RORA: variants seen among roughly 807,000 people sequenced by gnomAD.
RORA encodes the protein nuclear receptor ROR-alpha.
In RORA, 7 loss-of-function variants were observed where a neutral mutation model predicts 69.5. That is an observed-to-expected ratio of 0.10 (90% CI 0.06 to 0.19). The LOEUF (loss-of-function observed/expected upper bound fraction) is 0.19, where lower values mean the gene tolerates loss of function less well. Among genes scored for constraint, RORA ranks in the 10% least tolerant of loss-of-function variants. RORA has a pLI of 1.00. For synonymous variants in RORA, 261 were observed against 240.8 expected, an observed-to-expected ratio of 1.08 and a Z score of -0.78; for missense variants, 457 against 663.0, an observed-to-expected ratio of 0.69 and a Z score of 3.41.
rs144499503 is a variant in RORA at position 60,939,865 on chromosome 15, G to A, written c.167-261179C>T. On this transcript the variant is annotated intron_variant, in intron 1 of 10. Transcript: ENST00000335670. ...AGAATGGCTGAAAAGCAGTGTGTGT[G>A]CACATTTCTACAAGGCAAGATAAAA... Among the ~76,000 whole-genome samples the A allele has an allele frequency of 3.5e-3, 532 of 152,272 alleles. 1 individual carries two copies. The highest frequency in any genetic ancestry group is 6.9e-3 in the Admixed American group (106 of 15,292).
At chr15:60,788,820 C>G (rs1013752638) in intron 1 of RORA, among the ~76,000 whole-genome samples, 2 of 152,194 alleles carry the variant, frequency 1.3e-5, no homozygotes, top group African/African-American at 2.4e-5. Flanking sequence ...GCCCCTGTCC[C>G]GCTTAATAAC....
chr15:60,772,748 C>T (rs1595703297), intron 1 of RORA, among the ~76,000 whole-genome samples: 1 of 152,276 alleles, frequency 6.6e-6, no homozygotes, highest in Non-Finnish European at 1.5e-5. Context: ...CCCAGACTGC[C>T]CAACACTCCT....
intron 2 of RORA, among the ~76,000 whole-genome samples, chr15:60,532,459 C>T (rs2066554302): frequency 6.6e-6 from 1 of 152,062 alleles, no homozygotes; most frequent in Non-Finnish European, 1.5e-5. Context: ...ATGATGAATC[C>T]TGACAAATAG....
At chr15:61,085,426 T>C (rs1345219955) in intron 1 of RORA, among the ~76,000 whole-genome samples, 2 of 152,346 alleles carry the variant, frequency 1.3e-5, no homozygotes, top group African/African-American at 2.4e-5. Context: ...GGCTGGATGA[T>C]GAATCAAGCG....
chr15:60,592,282 G>A (rs2068546485), intron 2 of RORA: 28 of 805,050 alleles, frequency 3.5e-5, no homozygotes, highest in Non-Finnish European at 4.7e-5. Context: ...GCCCCGGGCA[G>A]TACGTGCGTT....
intron 1 of RORA, among the ~76,000 whole-genome samples, chr15:61,078,151 G>C (rs1420522971): frequency 1.3e-5 from 2 of 152,136 alleles, no homozygotes; most frequent in African/African-American, 4.8e-5. Flanking sequence ...CACACTAAAG[G>C]CTTTATTTTT....
At chr15:60,501,406 T>C (rs2065327873) in intron 8 of RORA, among the ~76,000 whole-genome samples, 1 of 152,224 alleles carries the variant, frequency 6.6e-6, no homozygotes, top group Non-Finnish European at 1.5e-5. Context: ...GGTATTTCTT[T>C]GGGTTTCTTC....
rs150837297 is a variant in RORA, at chr15:61,020,907, T to C, written c.166+208146A>G. On this transcript the variant is annotated intron_variant, in intron 1 of 10. Transcript: ENST00000335670. ...GCTATTTATTGCTGCCTCTCAGTTA[T>C]GATGAATTCAATTGTATCAGAAACT... is the stretch of plus-strand genomic sequence containing the variant. 6.6e-3 allele frequency among the ~76,000 whole-genome samples: 1,002 copies of C among 152,344 alleles called. 9 individuals are homozygous for C. Among genetic ancestry groups the C allele is most frequent in the South Asian group, 0.028 (136 of 4,824 alleles).
intron 1 of RORA, among the ~76,000 whole-genome samples, chr15:60,785,089 T>C (rs887481587): frequency 6.6e-6 from 1 of 152,246 alleles, no homozygotes; most frequent in Non-Finnish European, 1.5e-5. Flanking sequence ...TTGCATTTAC[T>C]CACGATTATT....
chr15:61,065,886 C>T (rs941843043), intron 1 of RORA, among the ~76,000 whole-genome samples: 3 of 152,214 alleles, frequency 2.0e-5, no homozygotes, highest in Non-Finnish European at 2.9e-5. Context: ...AATAACTTCT[C>T]CATTCTACCC....
intron 2 of RORA, among the ~76,000 whole-genome samples, chr15:60,669,520 T>C (rs768336959): frequency 6.6e-5 from 10 of 152,148 alleles, no homozygotes; most frequent in Non-Finnish European, 1.2e-4. Flanking sequence ...AAAACATTGT[T>C]TATAGGTCAC....
intron 1 of RORA, among the ~76,000 whole-genome samples, chr15:60,767,831 CT>C (rs1567183665): frequency 1.3e-5 from 2 of 152,204 alleles, no homozygotes; most frequent in Non-Finnish European, 2.9e-5. Flanking sequence ...TTGTCTAACA[CT>C]GGGGCTCCTA....
intron 1 of RORA, among the ~76,000 whole-genome samples, chr15:60,944,251 G>A (rs140449227): frequency 7.8e-4 from 119 of 152,238 alleles, no homozygotes; most frequent in African/African-American, 2.8e-3. Flanking sequence ...TGGAGCATGG[G>A]CATCAGTATA....
intron 1 of RORA, among the ~76,000 whole-genome samples, chr15:60,947,633 T>A (rs1252793451): frequency 6.9e-6 from 1 of 143,904 alleles, no homozygotes; most frequent in Non-Finnish European, 1.5e-5. Context: ...CCCTCCACTA[T>A]TGTCCTATGA....
chr15:61,164,081 T>G (rs17237759), intron 1 of RORA, among the ~76,000 whole-genome samples: 6,556 of 152,092 alleles, frequency 0.043, 399 homozygotes, highest in East Asian at 0.19. Flanking sequence ...CAAGAGAGTG[T>G]AGGTGTCTGT....
intron 1 of RORA, among the ~76,000 whole-genome samples, chr15:61,164,288 CCAG>C (rs1283264844): frequency 2.0e-5 from 3 of 152,188 alleles, no homozygotes; most frequent in Non-Finnish European, 2.9e-5. Flanking sequence ...CCATAAATTA[CCAG>C]CAGCGGCTGG....
At chr15:60,566,212 A>G (rs2067708703) in intron 2 of RORA, among the ~76,000 whole-genome samples, 3 of 152,242 alleles carry the variant, frequency 2.0e-5, no homozygotes, top group East Asian at 1.9e-4. Context: ...ACATCTAAGT[A>G]TAGACGCAAA....
chr15:60,515,947 A>ATT lies in RORA; in HGVS notation c.283-1192_283-1191dup, dbSNP rs1195362166. ...TATATTTATATATATATTTATATAT[A>ATT]TTTATATATTTATATTTATATATAT... On this transcript the variant is annotated intron_variant, in intron 3 of 10. Transcript: ENST00000335670. 1.2e-3 allele frequency among the ~76,000 whole-genome samples: 16 copies of ATT among 13,776 alleles called. 2 individuals carry two copies. Among genetic ancestry groups the ATT allele is most frequent in the African/African-American group, 4.9e-3 (13 of 2,648 alleles). The allele number at this position is 13,776 out of a possible 152,430, so 9.0% of individuals were successfully genotyped here. A position where few individuals can be genotyped will look rare whatever the true frequency, so the allele number is the denominator to read the frequency against.
chr15:61,102,772 C>A (rs906728288), intron 1 of RORA, among the ~76,000 whole-genome samples: 3 of 152,166 alleles, frequency 2.0e-5, no homozygotes, highest in African/African-American at 7.2e-5. Flanking sequence ...ATACAACATT[C>A]TAATCTAGCT....
Sources: allele counts gnomAD v4.1 joint callset (sites outside exome capture counted in the v4.1 genomes callset), GRCh38; gene constraint gnomAD v4.1.1; transcripts MANE v1.5; gene names NCBI Gene and HGNC (gene_info 2026-07-23, HGNC 2026-07-21).